SLC13A3: variants seen among roughly 807,000 people sequenced by gnomAD.
SLC13A3 encodes the protein Na(+)/dicarboxylate cotransporter 3.
Under a neutral mutation model 59.0 loss-of-function variants are expected in SLC13A3, and 40 were observed. That is an observed-to-expected ratio of 0.68 (90% confidence interval 0.53 to 0.88). The LOEUF is 0.88. Among genes scored for constraint, SLC13A3 ranks in the 40% least tolerant of loss-of-function variants. The pLI is 0.00. For synonymous variants in SLC13A3, 317 were observed against 330.3 expected (o/e 0.96, Z 0.44); for missense variants, 699 against 783.2 (o/e 0.89, Z 1.28).
At position 46,558,162 on chromosome 20, in the gene SLC13A3, G is replaced by A. The variant is rs1905425955; in HGVS notation, c.*1860C>T. 2 of 152,230 alleles carry A rather than the reference G, an allele frequency of 1.3e-5. No homozygotes were observed. Among genetic ancestry groups the A allele is most frequent in the African/African-American group, 2.4e-5 (1 of 41,448 alleles). The allele number at this position is 152,230 out of a possible 1,614,324, so 9.4% of individuals were successfully genotyped here. A position where few individuals can be genotyped will look rare whatever the true frequency, so the allele number is the denominator to read the frequency against. ...ATGAGGGTGACATTTTAGACAGGAG[G>A]TCAGGGAAGCCTCTCAGGGAAGGTG... is the stretch of plus-strand genomic sequence containing the variant. On this transcript the variant is annotated 3_prime_UTR_variant, in exon 13 of 13. Transcript: ENST00000279027.
upstream of SLC13A3, among the ~76,000 whole-genome samples, chr20:46,655,138 G>A (rs1368232620): frequency 1.3e-5 from 2 of 151,832 alleles, no homozygotes; most frequent in African/African-American, 4.8e-5. Flanking sequence ...GTTTGGCCAT[G>A]ATATGTCTTG....
intron 5 of SLC13A3, 94 bp downstream of exon 5, chr20:46,596,063 G>T: frequency 8.6e-7 from 1 of 1,164,078 alleles, no homozygotes; most frequent in Non-Finnish European, 1.2e-6. Context: ...GCCCAGAGAA[G>T]GCCCTCAATA....
intron 3 of SLC13A3, among the ~76,000 whole-genome samples, chr20:46,601,662 G>A (rs1238350888): frequency 6.6e-6 from 1 of 152,200 alleles, no homozygotes; most frequent in Non-Finnish European, 1.5e-5. Context: ...GGCATCCTGG[G>A]GTGAGACACC....
At chr20:46,624,642 A>G (rs929978969) in intron 1 of SLC13A3, among the ~76,000 whole-genome samples, 1 of 152,238 alleles carries the variant, frequency 6.6e-6, no homozygotes, top group African/African-American at 2.4e-5. Flanking sequence ...AGTATATCCC[A>G]TGCACTATTT....
intron 8 of SLC13A3, chr20:46,585,505 G>A: frequency 9.9e-7 from 1 of 1,009,130 alleles, no homozygotes; most frequent in Non-Finnish European, 1.2e-6. Flanking sequence ...AAGCCAATTG[G>A]CATATGTTTC....
At chr20:46,571,707 T>C (rs2062029419) in intron 10 of SLC13A3, among the ~76,000 whole-genome samples, 1 of 149,010 alleles carries the variant, frequency 6.7e-6, no homozygotes. Flanking sequence ...ATTTGGGGGG[T>C]AGATGTGGTA....
intron 1 of SLC13A3, among the ~76,000 whole-genome samples, chr20:46,617,218 A>C (rs77362600): frequency 9.8e-4 from 150 of 152,340 alleles, no homozygotes; most frequent in African/African-American, 3.4e-3. Context: ...TCATTCATTC[A>C]TCCATCCATT....
intron 1 of SLC13A3, among the ~76,000 whole-genome samples, chr20:46,680,726 C>T (rs545523528): frequency 1.6e-4 from 25 of 152,388 alleles, no homozygotes; most frequent in African/African-American, 4.8e-4. Context: ...TGGGTCTCAG[C>T]TCCAGTTCTC....
chr20:46,618,352 A>T (rs950947392), intron 1 of SLC13A3, among the ~76,000 whole-genome samples: 1 of 152,364 alleles, frequency 6.6e-6, no homozygotes, highest in African/African-American at 2.4e-5. Context: ...AGTTTAAGAC[A>T]GTGAGCTATG....
chr20:46,600,617 G>A (rs944908264), intron 3 of SLC13A3: 5 of 465,924 alleles, frequency 1.1e-5, no homozygotes, highest in African/African-American at 2.0e-5. Flanking sequence ...GTTGTGAAAG[G>A]CCAGCTATGA....
intron 1 of SLC13A3, among the ~76,000 whole-genome samples, chr20:46,636,378 T>C (rs983396461): frequency 3.9e-5 from 6 of 152,200 alleles, no homozygotes; most frequent in Non-Finnish European, 8.8e-5. Context: ...AGCTGGTACC[T>C]AGAAGGTACT....
intron 1 of SLC13A3, among the ~76,000 whole-genome samples, chr20:46,641,273 G>A (rs1051376335): frequency 6.6e-6 from 1 of 152,140 alleles, no homozygotes; most frequent in Admixed American, 6.5e-5. Flanking sequence ...CCAAATTCAT[G>A]GAATGAATAC....
intron 1 of SLC13A3, among the ~76,000 whole-genome samples, chr20:46,683,885 C>G (rs1251651470): frequency 6.6e-6 from 1 of 152,170 alleles, no homozygotes; most frequent in East Asian, 1.9e-4. Context: ...CAGCTGGTTT[C>G]GGTCGCCTTT....
chr20:46,632,597 G>A (rs1402369174), intron 1 of SLC13A3, among the ~76,000 whole-genome samples: 1 of 152,200 alleles, frequency 6.6e-6, no homozygotes, highest in Non-Finnish European at 1.5e-5. Flanking sequence ...TCCAGTGCCA[G>A]ATTGTCTGGG....
chr20:46,609,038 G>C (rs757196730), intron 3 of SLC13A3: 1 of 1,550,548 alleles, frequency 6.4e-7, no homozygotes, highest in South Asian at 1.2e-5. Flanking sequence ...CCTCAGAGAG[G>C]AAAGTATTGG....
chr20:46,644,076 C>T (rs1474795471), intron 1 of SLC13A3, among the ~76,000 whole-genome samples: 1 of 152,026 alleles, frequency 6.6e-6, no homozygotes, highest in African/African-American at 2.4e-5. Flanking sequence ...CATTGATGAC[C>T]AATGCCTAAG....
chr20:46,569,315 G>A (rs551001676), intron 10 of SLC13A3, among the ~76,000 whole-genome samples: 1 of 152,158 alleles, frequency 6.6e-6, no homozygotes, highest in African/African-American at 2.4e-5. Flanking sequence ...CTTAGGAATT[G>A]GAAGCTTTGT....
At chr20:46,621,686 G>A (rs1440179520) in intron 1 of SLC13A3, among the ~76,000 whole-genome samples, 19 of 152,176 alleles carry the variant, frequency 1.2e-4, no homozygotes, top group Admixed American at 1.2e-3. Flanking sequence ...AGCTGCTAGG[G>A]GCAACCCAGG....
intron 1 of SLC13A3, among the ~76,000 whole-genome samples, chr20:46,649,274 A>G (rs1213373778): frequency 1.3e-5 from 2 of 152,140 alleles, no homozygotes; most frequent in Non-Finnish European, 2.9e-5. Flanking sequence ...TCAGTTGTGC[A>G]TGTTGGAGTT....
Sources: gnomAD v4.1 joint callset for allele counts (sites outside exome capture counted in the v4.1 genomes callset) on GRCh38, gnomAD v4.1.1 for gene constraint, MANE v1.5 for transcripts, NCBI Gene and HGNC (gene_info 2026-07-23, HGNC 2026-07-21) for gene names.